PTP4A1: variants seen among roughly 807,000 people sequenced by gnomAD.
PTP4A1 encodes protein tyrosine phosphatase type IVA 1.
In PTP4A1, 9 loss-of-function variants were observed where a neutral mutation model predicts 20.5. The ratio of observed to expected loss-of-function variants is 0.44; its 90% CI spans 0.26 to 0.77. The LOEUF is 0.77. Among genes scored for constraint, PTP4A1 ranks in the 30% least tolerant of loss-of-function variants. PTP4A1 has a pLI of 0.19. For synonymous variants in PTP4A1, 78 were observed against 67.4 expected (o/e 1.16, Z -0.77); for missense variants, 137 against 218.8 (o/e 0.63, Z 2.36).
At position 63,578,490 on chromosome 6, in the gene PTP4A1, T is replaced by C. The variant is rs202180904; in HGVS notation, c.159T>C (p.Tyr53=). The change falls in exon 3 of 6, where the codon TAT becomes TAC. Residue 53 remains tyrosine, a synonymous_variant. Transcript: ENST00000626021. ...TTIVRVCEAT[Y]DTTLVEKEGI... ...TAGTAAGAGTATGTGAAGCAACTTA[T>C]GACACTACTCTTGTGGAGAAAGAAG... 37 of 1,612,372 alleles carry C rather than the reference T, an allele frequency of 2.3e-5. 1 individual carries two copies. In the Middle Eastern group the frequency reaches 5.0e-4, roughly 22 times the overall value.
chr6:63,522,862 CTT>C (rs559181707), intron 1 of PTP4A1, among the ~76,000 whole-genome samples: 41,617 of 125,064 alleles, frequency 0.33, 4,710 homozygotes, highest in Admixed American at 0.37. Flanking sequence ...GACTAAATCA[CTT>C]TTTTTTTTTT....
At chr6:63,526,063 G>A (rs907353555) in intron 1 of PTP4A1, among the ~76,000 whole-genome samples, 2 of 152,120 alleles carry the variant, frequency 1.3e-5, no homozygotes, top group African/African-American at 2.4e-5. Flanking sequence ...AGTGGCTCAT[G>A]CCTGTAATCC....
chr6:63,578,684 A>G (rs2758263), intron 3 of PTP4A1, among the ~76,000 whole-genome samples, 155 bp downstream of exon 3: 1 of 152,240 alleles, frequency 6.6e-6, no homozygotes, highest in African/African-American at 2.4e-5. Context: ...ATTTCTAAAT[A>G]AAGGTGAAAA....
chr6:63,547,814 G>C (rs1004532998), intron 2 of PTP4A1, among the ~76,000 whole-genome samples: 1 of 152,024 alleles, frequency 6.6e-6, no homozygotes, highest in African/African-American at 2.4e-5. Flanking sequence ...CCCGGCCCAG[G>C]GGGGGATTTG....
chr6:63,529,698 A>T (rs1775369006), intron 2 of PTP4A1, among the ~76,000 whole-genome samples: 2 of 152,206 alleles, frequency 1.3e-5, no homozygotes, highest in Non-Finnish European at 2.9e-5. Flanking sequence ...TTGTGAACCA[A>T]GGGTGGAGGA....
chr6:63,528,463 G>T (rs774489346), intron 2 of PTP4A1, among the ~76,000 whole-genome samples: 9 of 151,652 alleles, frequency 5.9e-5, no homozygotes, highest in Non-Finnish European at 1.3e-4. Flanking sequence ...AGTGGTTCAT[G>T]CCTATAATCC....
upstream of PTP4A1, chr6:63,572,118 A>G (rs1350063916): frequency 6.6e-6 from 1 of 152,294 alleles, no homozygotes; most frequent in East Asian, 1.9e-4. Context: ...GAGTCTCCTC[A>G]TGTGACATGT....
chr6:63,579,196 A>T, intron 4 of PTP4A1, 61 bp from the exon 5 acceptor site: 1 of 1,518,422 alleles, frequency 6.6e-7, no homozygotes, highest in Non-Finnish European at 9.0e-7. Context: ...ATGTTTGGAG[A>T]AATAAATTTA....
At chr6:63,554,477 C>G (rs1034718315) in intron 3 of PTP4A1, among the ~76,000 whole-genome samples, 1 of 152,122 alleles carries the variant, frequency 6.6e-6, no homozygotes, top group African/African-American at 2.4e-5. Flanking sequence ...TCTCAGCCTT[C>G]CCATAGCACA....
At position 63,579,183 on chromosome 6, in the gene PTP4A1, G is replaced by A; in HGVS notation, c.330-74G>A. The A allele has an allele frequency of 3.4e-6, 5 of 1,473,936 alleles. No individual in the cohort carries two copies. In the South Asian group the frequency reaches 5.0e-5, roughly 15 times the overall value. The allele number at this position is 1,473,936 out of a possible 1,614,324, so 91.3% of individuals were successfully genotyped here. ...GTGGTAGATAATACTTCTGAGTTGG[G>A]GAATGTTTGGAGAAATAAATTTACA... On this transcript the variant is annotated intron_variant, in intron 4 of 5. Transcript: ENST00000626021.
chr6:63,555,683 A>C (rs542054501), intron 3 of PTP4A1, among the ~76,000 whole-genome samples: 222 of 150,956 alleles, frequency 1.5e-3, no homozygotes, highest in African/African-American at 4.9e-3. Context: ...TTCACTTCTC[A>C]ATTACACTCT....
chr6:63,578,570 T>C lies in PTP4A1; in HGVS notation c.198+41T>C, dbSNP rs751948052. 2.5e-6 allele frequency: 4 copies of C among 1,576,514 alleles called. No individual in the cohort carries two copies. The East Asian group carries it at 9.1e-5, about 36-fold the overall frequency. On this transcript the variant is annotated intron_variant, in intron 3 of 5. Transcript: ENST00000626021. ...TTCTTATGGGTTTATGGTGCTGTGC[T>C]ACAAAAGTTTATTCAAATAGTAAAT...
chr6:63,576,761 A>G lies in PTP4A1; in HGVS notation c.-120A>G, dbSNP rs1280289740. 2.7e-6 allele frequency: 2 copies of G among 749,356 alleles called. No homozygotes were observed. Among genetic ancestry groups the G allele is most frequent in the Non-Finnish European group, 2.2e-6 (1 of 457,508 alleles). 46.4% of individuals were successfully genotyped at this position (749,356 alleles called of 1,614,324 possible). ...ATCATTACTTACAACTTCATACTCA[A>G]AGCACTGAGAATTTCAAGTGGAGTA... is the stretch of plus-strand genomic sequence containing the variant. On this transcript the variant is annotated 5_prime_UTR_variant, in exon 2 of 6. Coordinates refer to ENST00000626021, the MANE Select transcript of PTP4A1 (RefSeq NM_003463.5).
upstream of PTP4A1, chr6:63,572,229 T>C (rs1777471108): frequency 6.1e-6 from 1 of 164,758 alleles, no homozygotes; most frequent in Non-Finnish European, 1.3e-5. Context: ...CCTTCTTAAC[T>C]TCAGGCTTCC....
chr6:63,536,519 A>G (rs1031897312), intron 2 of PTP4A1, among the ~76,000 whole-genome samples: 3 of 152,248 alleles, frequency 2.0e-5, no homozygotes, highest in Admixed American at 6.5e-5. Context: ...ATTCAAAAAC[A>G]TCTGAACTCA....
upstream of PTP4A1, among the ~76,000 whole-genome samples, chr6:63,568,259 A>C (rs950595642): frequency 6.6e-6 from 1 of 152,058 alleles, no homozygotes; most frequent in African/African-American, 2.4e-5. Context: ...CAGCTTAATC[A>C]TTTTTAGCTT....
At position 63,523,284 on chromosome 6, in the gene PTP4A1, T is replaced by A. The variant is rs138222816; in HGVS notation, c.-906+1458T>A. Among the ~76,000 whole-genome samples, 107 of 152,174 alleles carry A rather than the reference T, an allele frequency of 7.0e-4. 1 individual carries two copies. The East Asian group carries it at 0.019, about 27-fold the overall frequency. ...ACTTTCTCAGGCATTATACACAATA[T>A]GATGTCTATAAATGAAGGCGGGCAG... On this transcript the variant is annotated intron_variant, in intron 1 of 3. Coordinates refer to the PTP4A1 transcript ENST00000639568.
At chr6:63,564,207 C>T (rs141759755) in intron 3 of PTP4A1, among the ~76,000 whole-genome samples, 1,531 of 150,380 alleles carry the variant, frequency 0.01, 11 homozygotes, top group Non-Finnish European at 0.016. Context: ...ACCCGGGAGA[C>T]GGAGGTTGCA....
At chr6:63,534,661 A>T (rs1240359201) in intron 2 of PTP4A1, among the ~76,000 whole-genome samples, 4 of 151,764 alleles carry the variant, frequency 2.6e-5, no homozygotes, top group Non-Finnish European at 5.9e-5. Context: ...TAATAATAAA[A>T]TTGTCACCAG....
Sources: gnomAD v4.1 joint callset for allele counts (sites outside exome capture counted in the v4.1 genomes callset) on GRCh38, gnomAD v4.1.1 for gene constraint, MANE v1.5 for transcripts, NCBI Gene and HGNC (gene_info 2026-07-23, HGNC 2026-07-21) for gene names.